PBX1: variants seen among roughly 807,000 people sequenced by gnomAD.
PBX1 encodes the protein PBX homeobox 1, also known as pre-B-cell leukemia transcription factor 1.
Under a neutral mutation model 53.4 loss-of-function variants are expected in PBX1, and 6 were observed. That is an observed-to-expected ratio of 0.11 (90% confidence interval 0.06 to 0.22). The LOEUF is 0.22. Among genes scored for constraint, PBX1 ranks in the 10% least tolerant of loss-of-function variants. The pLI, the probability that PBX1 is intolerant of heterozygous loss-of-function variation, is 1.00. For missense variants in PBX1, 251 were observed against 551.4 expected (o/e 0.46, Z 5.46); for synonymous variants, 204 against 212.3 (o/e 0.96, Z 0.34).
chr1:164,633,154 C>CTT (rs59864546), intron 2 of PBX1, among the ~76,000 whole-genome samples: 4 of 144,640 alleles, frequency 2.8e-5, no homozygotes, highest in Admixed American at 6.9e-5. Flanking sequence ...TCTTTCTTTT[C>CTT]TTTTTTTTTT....
intron 2 of PBX1, chr1:164,682,626 C>T (rs1661849414): frequency 6.6e-6 from 1 of 151,922 alleles, no homozygotes; most frequent in African/African-American, 2.4e-5. Context: ...TAATTATGTG[C>T]CCTAAGGATC....
intron 6 of PBX1, 156 bp from the exon 7 acceptor site, chr1:164,819,913 GTTC>G: frequency 1.7e-6 from 1 of 595,182 alleles, no homozygotes; most frequent in African/African-American, 1.9e-5. Context: ...TGCTTGCTCT[GTTC>G]TTCATGCTAC....
chr1:164,619,335 A>G (rs1459070341), intron 2 of PBX1, among the ~76,000 whole-genome samples: 1 of 152,108 alleles, frequency 6.6e-6, no homozygotes, highest in Non-Finnish European at 1.5e-5. Context: ...TTGGCAGAGG[A>G]AAAAAGACCA....
intron 2 of PBX1, among the ~76,000 whole-genome samples, chr1:164,651,712 C>T (rs941710182): frequency 2.6e-5 from 4 of 152,150 alleles, no homozygotes; most frequent in African/African-American, 9.7e-5. Flanking sequence ...GGTGACTTTC[C>T]TCCTGCGACC....
At position 164,850,305 on chromosome 1, in the gene PBX1, A is replaced by G. The variant is rs2102428301; in HGVS notation, c.*3629A>G. 4.6e-6 allele frequency: 1 copy of G among 218,488 alleles called. No homozygotes were observed. The highest frequency in any genetic ancestry group is 9.2e-6 in the Non-Finnish European group (1 of 108,930). The allele number at this position is 218,488 out of a possible 1,614,324, so 13.5% of individuals were successfully genotyped here. On this transcript the variant is annotated 3_prime_UTR_variant, in exon 9 of 9. Transcript: ENST00000420696. ...TGTGCACATCCATTTCTTGTTTCAC[A>G]ATGTTTAAAAGTGACAGTAATTCAT...
At chr1:164,872,785 G>A (rs1214266099) in intron 2 of PBX1, among the ~76,000 whole-genome samples, 1 of 152,176 alleles carries the variant, frequency 6.6e-6, no homozygotes, top group African/African-American at 2.4e-5. Flanking sequence ...GCAGCTTGCT[G>A]TTCAGATCTA....
chr1:164,804,185 C>T (rs1444482375), intron 4 of PBX1, among the ~76,000 whole-genome samples: 1 of 152,144 alleles, frequency 6.6e-6, no homozygotes, highest in Non-Finnish European at 1.5e-5. Flanking sequence ...GAAGCCTGTG[C>T]TCCTCAAACT....
intron 2 of PBX1, among the ~76,000 whole-genome samples, chr1:164,738,483 G>A (rs1046007138): frequency 2.6e-5 from 4 of 152,068 alleles, no homozygotes; most frequent in African/African-American, 9.7e-5. Flanking sequence ...CTAGAGATGG[G>A]ATCTCACCAT....
intron 4 of PBX1, 24 bp from the exon 5 acceptor site, chr1:164,807,518 A>T: frequency 6.2e-7 from 1 of 1,607,286 alleles, no homozygotes; most frequent in East Asian, 2.2e-5. Flanking sequence ...CCTTTTTGTT[A>T]TTATTTCCTT....
chr1:164,604,063 C>A (rs1454823128), intron 2 of PBX1, among the ~76,000 whole-genome samples: 1 of 150,342 alleles, frequency 6.7e-6, no homozygotes, highest in Non-Finnish European at 1.5e-5. Context: ...GCCTCAGCCT[C>A]CCAGGTAGCT....
At position 164,675,394 on chromosome 1, in the gene PBX1, A is replaced by G. The variant is rs183929699; in HGVS notation, c.265+112083A>G. Among the ~76,000 whole-genome samples the G allele has an allele frequency of 2.4e-3, 364 of 150,326 alleles. 2 individuals carry two copies. The highest frequency in any genetic ancestry group is 7.7e-3 in the African/African-American group (315 of 40,832). On this transcript the variant is annotated intron_variant, in intron 2 of 8. Coordinates refer to ENST00000420696, the MANE Select transcript of PBX1 (RefSeq NM_002585.4). ...TTTTGCCTTACTTTCAATGGCAAAA[A>G]CCTCAATTACTTTTGTATCAAACTA...
intron 2 of PBX1, among the ~76,000 whole-genome samples, chr1:164,672,771 A>G (rs2101975981): frequency 6.6e-6 from 1 of 152,328 alleles, no homozygotes; most frequent in South Asian, 2.1e-4. Flanking sequence ...CATAGCACAT[A>G]CAGATTTCTG....
chr1:164,793,151 T>C (rs1668604651), intron 3 of PBX1, among the ~76,000 whole-genome samples: 1 of 152,172 alleles, frequency 6.6e-6, no homozygotes, highest in Non-Finnish European at 1.5e-5. Context: ...CCCTTGTTTT[T>C]CCTTATTTAT....
At chr1:164,819,425 G>A (rs1330656471) in intron 6 of PBX1, 1 of 152,130 alleles carries the variant, frequency 6.6e-6, no homozygotes, top group Non-Finnish European at 1.5e-5. Context: ...GCAGAGAAGG[G>A]TAGATCACTC....
intron 8 of PBX1, among the ~76,000 whole-genome samples, chr1:164,824,763 T>G (rs1670364680): frequency 6.6e-6 from 1 of 152,154 alleles, no homozygotes; most frequent in African/African-American, 2.4e-5. Context: ...TTAGAGTGGC[T>G]CTAAGTAATG....
intron 2 of PBX1, among the ~76,000 whole-genome samples, chr1:164,863,243 T>A (rs1216366182): frequency 1.3e-5 from 2 of 152,196 alleles, no homozygotes; most frequent in Non-Finnish European, 1.5e-5. Flanking sequence ...GGAGATCTGT[T>A]GTGATAATTG....
chr1:164,821,670 TTCAC>T, intron 8 of PBX1, 44 bp downstream of exon 8: 2 of 1,441,930 alleles, frequency 1.4e-6, no homozygotes, highest in Non-Finnish European at 2.0e-6. Context: ...TTTTTATTCT[TTCAC>T]TACCAATTAT....
intron 2 of PBX1, among the ~76,000 whole-genome samples, chr1:164,884,926 A>T (rs1239771107): frequency 6.6e-6 from 1 of 152,236 alleles, no homozygotes; most frequent in African/African-American, 2.4e-5. Flanking sequence ...TCAAAATATT[A>T]TAATAAATTA....
chr1:164,606,314 A>T (rs1656548680), intron 2 of PBX1, among the ~76,000 whole-genome samples: 1 of 151,960 alleles, frequency 6.6e-6, no homozygotes, highest in Non-Finnish European at 1.5e-5. Context: ...ACATGATGAA[A>T]CCCCATCTGT....
Sources: allele counts gnomAD v4.1 joint callset (sites outside exome capture counted in the v4.1 genomes callset), GRCh38; gene constraint gnomAD v4.1.1; transcripts MANE v1.5; gene names NCBI Gene and HGNC (gene_info 2026-07-23, HGNC 2026-07-21).